The following IL17RE variants were observed in gnomAD, a reference collection of about 807,000 sequenced individuals.
IL17RE encodes interleukin-17 receptor E.
A neutral mutation model predicts 70.7 loss-of-function variants in IL17RE; 47 were observed. The ratio of observed to expected loss-of-function variants is 0.67; its 90% CI spans 0.53 to 0.85. The LOEUF is 0.85. IL17RE is among the 40% of genes least tolerant of loss of function. IL17RE has a pLI of 0.00. For synonymous variants in IL17RE, 372 were observed against 381.2 expected (o/e 0.98, Z 0.28); for missense variants, 850 against 893.9 (o/e 0.95, Z 0.63).
intron 3 of IL17RE, among the ~76,000 whole-genome samples, chr3:9,904,443 C>G (rs1462362714): frequency 6.6e-6 from 1 of 152,144 alleles, no homozygotes; most frequent in Non-Finnish European, 1.5e-5. Context: ...TTTAATTGCT[C>G]AGCTCAGTGC....
In IL17RE at chr3:9,907,005, C is replaced by T. The variant is rs762873000; in HGVS notation, c.571C>T (p.Arg191Trp). The change falls in exon 6 of 16, where the codon CGG becomes TGG. Residue 191 changes from arginine to tryptophan, a missense_variant. By Grantham distance (101) the Arg-to-Trp change is moderately radical (BLOSUM62 -3). Transcript: ENST00000383814. ...TTTGCTGCCTGAGGCCCGGGCTATT[C>T]GGGTGACCATATCTTCAGGCCCTGA... The part of the protein sequence containing the change: ...FDLLPEARAI[R>W]VTISSGPEVS... 1.1e-5 allele frequency: 17 copies of T among 1,614,028 alleles called. No individual in the cohort carries two copies. Among genetic ancestry groups the T allele is most frequent in the African/African-American group, 1.3e-5 (1 of 74,900 alleles).
chr3:9,914,447 A>G, intron 13 of IL17RE, 101 bp from the exon 14 acceptor site: 1 of 1,557,988 alleles, frequency 6.4e-7, no homozygotes, highest in Non-Finnish European at 8.7e-7. Flanking sequence ...AGAATTCCCT[A>G]GCCAGTGGGG....
In IL17RE at chr3:9,911,316, A is replaced by G. The variant is rs951918180; in HGVS notation, c.1072+16A>G. 9.9e-6 allele frequency: 16 copies of G among 1,613,880 alleles called. No individual in the cohort carries two copies. The highest frequency in any genetic ancestry group is 1.4e-5 in the Non-Finnish European group (16 of 1,179,906). On this transcript the variant is annotated intron_variant, in intron 11 of 15. Coordinates refer to ENST00000383814, the MANE Select transcript of IL17RE (RefSeq NM_153480.2). ...CACCAGACTGGTGAGTCAATAAGTG[A>G]CCTCTGCTGGGACCCCCTGCCCCAT...
At position 9,915,534 on chromosome 3, in the gene IL17RE, G is replaced by T. The variant is rs2083024800; in HGVS notation, c.1731G>T (p.Leu577=). ...GCCCCGACCCCCGCGCCGCGCCCCT[G>T]CTCGCCCTGCTCCACGCTGCCCCGC... ...VSGPDPRAAP[L]LALLHAAPRP... Residue 577 remains leucine (L), a synonymous_variant, in exon 16 of 16, where the codon CTG becomes CTT. Coordinates refer to ENST00000383814, the MANE Select transcript of IL17RE (RefSeq NM_153480.2). The surrounding 1 kb of genome is among the most constrained non-coding windows in gnomAD (Gnocchi z 4.9). 6 of 1,356,234 alleles carry T rather than the reference G, an allele frequency of 4.4e-6. No homozygotes were observed. Among genetic ancestry groups the T allele is most frequent in the Non-Finnish European group, 5.7e-6 (6 of 1,059,392 alleles). 84.0% of individuals were successfully genotyped at this position (1,356,234 alleles called of 1,614,324 possible). A position where few individuals can be genotyped will look rare whatever the true frequency, so the allele number is the denominator to read the frequency against.
intron 12 of IL17RE, among the ~76,000 whole-genome samples, chr3:9,913,342 T>C (rs1264161120): frequency 6.6e-6 from 1 of 151,846 alleles, no homozygotes; most frequent in African/African-American, 2.4e-5. Flanking sequence ...AGGTGGAGGT[T>C]GCAGTGAGCC....
In IL17RE at chr3:9,915,626, G is replaced by A; in HGVS notation, c.1823G>A (p.Arg608His). ...AAGGGCGACATCCCCCCGCCGCTGC[G>A]CGCCCTGCCGCGCTACCGCCTGCTG... ...CAKGDIPPPLRALPRYRLLRD... is the reference protein window; with the variant it reads ...CAKGDIPPPLHALPRYRLLRD... The change falls in exon 16 of 16, where the codon CGC (arginine) becomes CAC (histidine). Residue 608 changes from arginine (R) to histidine (H), a missense_variant. Transcript: ENST00000383814. This position sits in a 1 kb window ranked among gnomAD's most constrained non-coding sequence, Gnocchi z 4.9. 7.1e-7 allele frequency: 1 copy of A among 1,412,786 alleles called. No individual in the cohort carries two copies. Among genetic ancestry groups the A allele is most frequent in the Non-Finnish European group, 9.2e-7 (1 of 1,088,226 alleles). 87.5% of individuals were successfully genotyped at this position (1,412,786 alleles called of 1,614,324 possible). A position where few individuals can be genotyped will look rare whatever the true frequency, so the allele number is the denominator to read the frequency against.
chr3:9,912,483 T>C (rs1159059295), intron 12 of IL17RE, among the ~76,000 whole-genome samples: 2 of 152,198 alleles, frequency 1.3e-5, no homozygotes. Context: ...CTGTAAACTA[T>C]TGACAAATTT....
rs1425468380 is a variant in IL17RE, at chr3:9,914,706, T to G, written c.1376T>G (p.Ile459Ser). 4 of 1,614,156 alleles carry G rather than the reference T, an allele frequency of 2.5e-6. No individual in the cohort carries two copies. Among genetic ancestry groups the G allele is most frequent in the Non-Finnish European group, 2.5e-6 (3 of 1,180,012 alleles). ...TCTTACAGACACCTGGGGCTCTTGA[T>G]CCTGGCACTGCTGGCCCTCCTCACC... ...DVSYRHLGLL[I>S]LALLALLTLL... is the part of the protein sequence containing the mutation. The change falls in exon 15 of 16, where the codon ATC becomes AGC. Residue 459 changes from isoleucine (I) to serine (S), a missense_variant. By Grantham distance (142) the Ile-to-Ser change is moderately radical (BLOSUM62 -2). Coordinates refer to ENST00000383814, the MANE Select transcript of IL17RE (RefSeq NM_153480.2).
chr3:9,902,624 G>A (rs112623184), upstream of IL17RE: 16,991 of 1,535,976 alleles, frequency 0.011, 122 homozygotes, highest in Non-Finnish European at 0.013. Flanking sequence ...AAATGGGTGC[G>A]TCCCCCAACC....
chr3:9,915,510 C>G lies in IL17RE; in HGVS notation c.1707C>G (p.Gly569=), dbSNP rs2125099890. Residue 569 remains glycine, a synonymous_variant, in exon 16 of 16, where the codon GGC becomes GGG. Transcript: ENST00000383814. The surrounding 1 kb of genome is among the most constrained non-coding windows in gnomAD (Gnocchi z 4.9). ...WSGADLRPVS[G]PDPRAAPLLA... ...GCGCCGACCTTCGCCCGGTCAGCGGCCCCGACCCCCGCGCCGCGCCCCTGC... is the reference window on the plus strand; with the variant it reads ...GCGCCGACCTTCGCCCGGTCAGCGGGCCCGACCCCCGCGCCGCGCCCCTGC... 4 of 1,316,474 alleles carry G rather than the reference C, an allele frequency of 3.0e-6. No homozygotes were observed. Among genetic ancestry groups the G allele is most frequent in the African/African-American group, 3.1e-5 (2 of 64,860 alleles). 81.5% of individuals were successfully genotyped at this position (1,316,474 alleles called of 1,614,324 possible).
At chr3:9,914,362 TCA>T in intron 13 of IL17RE, 184 bp from the exon 14 acceptor site, 1 of 1,454,658 alleles carries the variant, frequency 6.9e-7, no homozygotes, top group Non-Finnish European at 9.0e-7. Flanking sequence ...TTGGCCCCTG[TCA>T]CACTTGAGTT....
intron 6 of IL17RE, among the ~76,000 whole-genome samples, chr3:9,907,985 C>T (rs1372270792): frequency 6.6e-6 from 1 of 152,196 alleles, no homozygotes; most frequent in Admixed American, 6.5e-5. Context: ...TCTACACTCC[C>T]TGGCATATAG....
At chr3:9,911,785 A>G (rs529319636) in intron 12 of IL17RE, 188 bp downstream of exon 12, 10 of 495,870 alleles carry the variant, frequency 2.0e-5, no homozygotes, top group African/African-American at 1.4e-4. Flanking sequence ...TCAAGGGAGC[A>G]TTTTCTTTTT....
Position 9,915,671 on chromosome 3 carries a change from TG to T in IL17RE, c.1869del (p.Arg624GlyfsTer27). 1 of 1,391,930 alleles carries T rather than the reference TG, an allele frequency of 7.2e-7. No individual in the cohort carries two copies. The highest frequency in any genetic ancestry group is 9.2e-7 in the Non-Finnish European group (1 of 1,082,876). 86.2% of individuals were successfully genotyped at this position (1,391,930 alleles called of 1,614,324 possible). ...CTGCTGCGCGACCTGCCGCGTCTGC[TG>T]CGGGCGCTGGACGCGCGGCCTTTCG... is the stretch of plus-strand genomic sequence containing the variant. ...YRLLRDLPRL[L>X]RALDARPFAE... On this transcript the variant is annotated frameshift_variant, in exon 16 of 16. Coordinates refer to ENST00000383814, the MANE Select transcript of IL17RE (RefSeq NM_153480.2). LOFTEE classifies it low-confidence loss of function (END_TRUNC). This position sits in a 1 kb window ranked among gnomAD's most constrained non-coding sequence, Gnocchi z 4.9.
rs573452700 is a variant in IL17RE at position 9,913,414 on chromosome 3, T to A, written c.1228-542T>A. Among the ~76,000 whole-genome samples, 7 of 150,438 alleles carry A rather than the reference T, an allele frequency of 4.7e-5. No individual in the cohort carries two copies. The South Asian group carries it at 1.5e-3, about 32-fold the overall frequency. ...GCAAGACTCTGTCTCAAAAAATAAATAAATAAATAAATAAATAAATAAACA... is the reference window on the plus strand; with the variant it reads ...GCAAGACTCTGTCTCAAAAAATAAAAAAATAAATAAATAAATAAATAAACA... On this transcript the variant is annotated intron_variant, in intron 12 of 15. Coordinates refer to ENST00000383814, the MANE Select transcript of IL17RE (RefSeq NM_153480.2).
At chr3:9,902,767 G>A (rs1375573455), upstream of IL17RE, 7 of 1,538,110 alleles carry the variant, frequency 4.6e-6, no homozygotes, top group Non-Finnish European at 4.4e-6. Context: ...AATGTGGCCT[G>A]GCTGGCTGGT....
At position 9,906,305 on chromosome 3, in the gene IL17RE, T is replaced by A. The variant is rs533391794; in HGVS notation, c.269-59T>A. 30 of 911,178 alleles carry A rather than the reference T, an allele frequency of 3.3e-5. No homozygotes were observed. In the East Asian group the frequency reaches 7.3e-4, roughly 22 times the overall value. 56.4% of individuals were successfully genotyped at this position (911,178 alleles called of 1,614,324 possible). On this transcript the variant is annotated intron_variant, in intron 3 of 15. Coordinates refer to ENST00000383814, the MANE Select transcript of IL17RE (RefSeq NM_153480.2). ...AATTACTTACTAACACTGGGCCACA[T>A]CTCCAGGCAGGGGAGGGGGTAATGA... is the stretch of plus-strand genomic sequence containing the variant.
In IL17RE at chr3:9,906,428, C is replaced by T. The variant is rs372470651; in HGVS notation, c.333C>T (p.Phe111=). The T allele has an allele frequency of 3.7e-6, 6 of 1,613,866 alleles. No individual in the cohort carries two copies. Among genetic ancestry groups the T allele is most frequent in the Non-Finnish European group, 5.1e-6 (6 of 1,179,798 alleles). Reference sequence around the variant, plus strand: ...CCAAAAAGTCTTCCACATTCAAGTTCTATAGGAGACACAAGATGCCAGCAC... The same window carrying T: ...CCAAAAAGTCTTCCACATTCAAGTTTTATAGGAGACACAAGATGCCAGCAC... The part of the protein sequence containing the change: ...QKSKKSSTFK[F]YRRHKMPAPA... The change falls in exon 4 of 16, where the codon TTC becomes TTT. Residue 111 remains phenylalanine (F), a synonymous_variant. Coordinates refer to ENST00000383814, the MANE Select transcript of IL17RE (RefSeq NM_153480.2).
intron 7 of IL17RE, among the ~76,000 whole-genome samples, chr3:9,908,803 A>T (rs1433834837): frequency 1.3e-5 from 2 of 152,142 alleles, no homozygotes; most frequent in African/African-American, 4.8e-5. Flanking sequence ...CTAAGGGAGG[A>T]TGATGGCAGA....
Sources: gnomAD v4.1 joint callset for allele counts (sites outside exome capture counted in the v4.1 genomes callset) on GRCh38, gnomAD v4.1.1 for gene constraint, Gnocchi (gnomAD v3.1) non-coding constraint, MANE v1.5 for transcripts, NCBI Gene and HGNC (gene_info 2026-07-23, HGNC 2026-07-21) for gene names.